The following UBE2N variants were observed in gnomAD, a reference collection of about 807,000 sequenced individuals.
UBE2N encodes the protein ubiquitin conjugating enzyme E2 N.
For synonymous variants in UBE2N, 70 were observed against 69.2 expected (o/e 1.01, Z -0.06); for missense variants, 60 against 192.1 (o/e 0.31, Z 4.07).
chr12:93,412,292 G>A (rs571375558), intron 1 of UBE2N, among the ~76,000 whole-genome samples: 5 of 152,162 alleles, frequency 3.3e-5, no homozygotes, highest in African/African-American at 1.2e-4. Flanking sequence ...CTGATGTCCT[G>A]CTTCCTATTT....
rs918153712 is a variant in UBE2N, at chr12:93,411,769, T to C, written c.31-470A>G. The stretch of plus-strand genomic sequence containing the variant: ...GTGCAGTGGCAAGATCTTGGCTCAC[T>C]GCAGCCTCGACCTCCCTGGGCCCAG... On this transcript the variant is annotated intron_variant, in intron 1 of 3. Coordinates refer to ENST00000318066, the MANE Select transcript of UBE2N (RefSeq NM_003348.4). Among the ~76,000 whole-genome samples, 5 of 152,286 alleles carry C rather than the reference T, an allele frequency of 3.3e-5. 1 individual carries two copies. Among genetic ancestry groups the C allele is most frequent in the East Asian group, 1.9e-4 (1 of 5,178 alleles).
At chr12:93,411,816 C>G (rs1429071734) in intron 1 of UBE2N, among the ~76,000 whole-genome samples, 1 of 152,048 alleles carries the variant, frequency 6.6e-6, no homozygotes, top group African/African-American at 2.4e-5. Flanking sequence ...AACTCGGCCT[C>G]CTGAGTAGCT....
intron 1 of UBE2N, among the ~76,000 whole-genome samples, chr12:93,414,956 A>C (rs988913023): frequency 6.6e-6 from 1 of 152,222 alleles, no homozygotes; most frequent in African/African-American, 2.4e-5. Flanking sequence ...TATTTACTGA[A>C]TTCTGAATCT....
intron 1 of UBE2N, among the ~76,000 whole-genome samples, chr12:93,434,989 C>T (rs1021649776): frequency 2.6e-5 from 4 of 151,926 alleles, no homozygotes; most frequent in Non-Finnish European, 5.9e-5. Flanking sequence ...CACTGCAGCC[C>T]CGGCCTCCTG....
Position 93,431,083 on chromosome 12 carries a change from C to T in UBE2N, c.30+10772G>A, listed in dbSNP as rs187567457. On this transcript the variant is annotated intron_variant, in intron 1 of 3. Coordinates refer to ENST00000318066, the MANE Select transcript of UBE2N (RefSeq NM_003348.4). ...CTCTACTAAAAATACAAAAATTAGC[C>T]GGGTGTGGTGGCGGGCACCTGTAAT... Among the ~76,000 whole-genome samples the T allele has an allele frequency of 2.7e-3, 406 of 151,948 alleles. 2 individuals carry two copies. The highest frequency in any genetic ancestry group is 0.01 in the Middle Eastern group (3 of 294).
intron 1 of UBE2N, among the ~76,000 whole-genome samples, chr12:93,435,043 G>A (rs1592751233): frequency 6.6e-6 from 1 of 152,160 alleles, no homozygotes. Flanking sequence ...TAGGATTACT[G>A]CATGAACCAC....
chr12:93,434,302 ACTCTGGTTTT>A (rs1878859652), intron 1 of UBE2N, among the ~76,000 whole-genome samples: 1 of 152,072 alleles, frequency 6.6e-6, no homozygotes, highest in Admixed American at 6.6e-5. Context: ...ACAAAAAAAA[ACTCTGGTTTT>A]AAGAGTGGTC....
At chr12:93,431,025 G>C (rs1301001122) in intron 1 of UBE2N, among the ~76,000 whole-genome samples, 4 of 151,336 alleles carry the variant, frequency 2.6e-5, no homozygotes, top group African/African-American at 9.7e-5. Context: ...TCAGGAGTTC[G>C]AGACCAGCCT....
At chr12:93,421,426 T>A (rs766876427) in intron 1 of UBE2N, among the ~76,000 whole-genome samples, 6 of 152,088 alleles carry the variant, frequency 3.9e-5, no homozygotes, top group Non-Finnish European at 7.4e-5. Flanking sequence ...ATGGTCTCGA[T>A]CTCCTGACCT....
chr12:93,433,092 C>G (rs1185441161), intron 1 of UBE2N, among the ~76,000 whole-genome samples: 1 of 151,970 alleles, frequency 6.6e-6, no homozygotes, highest in East Asian at 1.9e-4. Flanking sequence ...ACCACCACGC[C>G]CAGCTAATTT....
Position 93,410,958 on chromosome 12 carries a change from G to A in UBE2N, c.278-84C>T, listed in dbSNP as rs755289807. Reference sequence around the variant, plus strand: ...TCACTTCCCTCCCACAGACCTCTCTGATCTTTGTATAATGTTTACATTCTA... The same window carrying A: ...TCACTTCCCTCCCACAGACCTCTCTAATCTTTGTATAATGTTTACATTCTA... On this transcript the variant is annotated intron_variant, in intron 2 of 3. Coordinates refer to ENST00000318066, the MANE Select transcript of UBE2N (RefSeq NM_003348.4). 3.1e-6 allele frequency: 5 copies of A among 1,613,510 alleles called. No individual in the cohort carries two copies. The Admixed American group carries it at 8.3e-5, about 27-fold the overall frequency.
intron 1 of UBE2N, among the ~76,000 whole-genome samples, chr12:93,428,808 A>ACATCAGCAGCCCTGCCAATT (rs1878666413): frequency 6.6e-6 from 1 of 152,244 alleles, no homozygotes. Flanking sequence ...CCTTGCCAAT[A>ACATCAGCAGCCCTGCCAATT]CATCAGCAGC....
chr12:93,441,295 G>A (rs1449706887), intron 1 of UBE2N: 1 of 152,314 alleles, frequency 6.6e-6, no homozygotes, highest in Non-Finnish European at 1.5e-5. Flanking sequence ...ACCGCGGCAG[G>A]ACGCGCGGGC....
chr12:93,424,372 T>C (rs1205360453), intron 1 of UBE2N: 4 of 152,268 alleles, frequency 2.6e-5, no homozygotes, highest in East Asian at 1.9e-4. Context: ...CAAGAACAGA[T>C]GGAAGCAGAG....
At position 93,425,521 on chromosome 12, in the gene UBE2N, A is replaced by G. The variant is rs551530526; in HGVS notation, c.31-14222T>C. The stretch of plus-strand genomic sequence containing the variant: ...ATCAAGGCCTGTGTCTAACATTTGC[A>G]GACCCAATGTTGGACACCAGTGTGT... On this transcript the variant is annotated intron_variant, in intron 1 of 3. Transcript: ENST00000318066. Among the ~76,000 whole-genome samples, 5 of 152,322 alleles carry G rather than the reference A, an allele frequency of 3.3e-5. No individual in the cohort carries two copies. In the South Asian group the frequency reaches 8.3e-4, roughly 25 times the overall value.
chr12:93,441,942 A>G lies in UBE2N; in HGVS notation c.-58T>C. 1 of 1,529,892 alleles carries G rather than the reference A, an allele frequency of 6.5e-7. No homozygotes were observed. The highest frequency in any genetic ancestry group is 1.2e-5 in the South Asian group (1 of 81,890). The allele number at this position is 1,529,892 out of a possible 1,614,324, so 94.8% of individuals were successfully genotyped here. On this transcript the variant is annotated 5_prime_UTR_variant, in exon 1 of 4. Transcript: ENST00000318066. Reference sequence around the variant, plus strand: ...GTCTCCGGCTCCTCTCGCCTCACGCACGAGTGGAAGTCCCGGGCTCCACTT... The same window carrying G: ...GTCTCCGGCTCCTCTCGCCTCACGCGCGAGTGGAAGTCCCGGGCTCCACTT...
chr12:93,430,510 C>A (rs911754948), intron 1 of UBE2N, among the ~76,000 whole-genome samples: 1 of 151,996 alleles, frequency 6.6e-6, no homozygotes, highest in Non-Finnish European at 1.5e-5. Flanking sequence ...AATATGCCAT[C>A]CAGACCAGAG....
chr12:93,420,240 C>T (rs1382799528), intron 1 of UBE2N, among the ~76,000 whole-genome samples: 1 of 152,106 alleles, frequency 6.6e-6, no homozygotes, highest in Non-Finnish European at 1.5e-5. Context: ...GGTAAGTACT[C>T]TCTATTCCAC....
At chr12:93,412,011 C>G (rs1370323061) in intron 1 of UBE2N, among the ~76,000 whole-genome samples, 1 of 152,064 alleles carries the variant, frequency 6.6e-6, no homozygotes, top group African/African-American at 2.4e-5. Flanking sequence ...TTTTTAAACC[C>G]ACTGAAAACC....
Sources: gnomAD v4.1 joint callset for allele counts (sites outside exome capture counted in the v4.1 genomes callset) on GRCh38, gnomAD v4.1.1 for gene constraint, MANE v1.5 for transcripts, NCBI Gene and HGNC (gene_info 2026-07-23, HGNC 2026-07-21) for gene names.